Variants in AFF1 observed in about 807,000 individuals in gnomAD.
The protein encoded by AFF1 is AF4/FMR2 family member 1.
Under a neutral mutation model 121.7 loss-of-function variants are expected in AFF1, and 48 were observed. The observed-to-expected ratio is 0.39, with a 90% CI of 0.31 to 0.50. The LOEUF is 0.50. Among genes scored for constraint, AFF1 ranks in the 20% least tolerant of loss-of-function variants. The pLI is 0.76. For missense variants in AFF1, 1,523 were observed against 1,511.7 expected (o/e 1.01, Z -0.12); for synonymous variants, 613 against 563.0 (o/e 1.09, Z -1.26).
chr4:86,949,701 G>A, intron 2 of AFF1: 1 of 1,579,320 alleles, frequency 6.3e-7, no homozygotes. Context: ...ATGCGCAGGG[G>A]CGGGTAGTCC....
At chr4:87,061,622 C>T (rs1270488921) in intron 4 of AFF1, among the ~76,000 whole-genome samples, 2 of 152,202 alleles carry the variant, frequency 1.3e-5, no homozygotes, top group East Asian at 1.9e-4. Context: ...TACAGTCTTA[C>T]AGCGCAATCC....
chr4:87,041,667 A>G (rs1279403515), intron 2 of AFF1, among the ~76,000 whole-genome samples: 4 of 128,772 alleles, frequency 3.1e-5, no homozygotes, highest in East Asian at 2.6e-4. Flanking sequence ...ACAGGACTGG[A>G]AAAAAAAAAA....
At chr4:86,948,057 G>GTT (rs11446805) in intron 1 of AFF1, among the ~76,000 whole-genome samples, 177 of 150,506 alleles carry the variant, frequency 1.2e-3, no homozygotes, top group African/African-American at 3.2e-3. Flanking sequence ...TTTCTTGGTT[G>GTT]TTTTTTTTTG....
At chr4:87,072,160 T>G (rs143944735) in intron 4 of AFF1, among the ~76,000 whole-genome samples, 9,377 of 152,136 alleles carry the variant, frequency 0.062, 976 homozygotes, top group African/African-American at 0.21. Flanking sequence ...TCAGGAGATC[T>G]AGACCATCCT....
intron 2 of AFF1, among the ~76,000 whole-genome samples, chr4:86,971,864 G>T (rs1342087143): frequency 6.6e-6 from 1 of 152,112 alleles, no homozygotes; most frequent in African/African-American, 2.4e-5. Context: ...GCGCTGGGTA[G>T]GTTGGCTTAT....
At chr4:87,092,418 TACA>T (rs1454155165) in intron 7 of AFF1, among the ~76,000 whole-genome samples, 1 of 152,218 alleles carries the variant, frequency 6.6e-6, no homozygotes, top group Non-Finnish European at 1.5e-5. Context: ...AGGAATTGTA[TACA>T]ACAGTAGATT....
Position 87,140,844 on chromosome 4 carries a change from TTA to T in AFF1, c.*5146_*5147del, listed in dbSNP as rs1321463861. On this transcript the variant is annotated 3_prime_UTR_variant, in exon 21 of 21. Coordinates refer to ENST00000395146, the MANE Select transcript of AFF1 (RefSeq NM_001166693.3). ...AAAGAATATGTGATCTGTGAGAGAA[TTA>T]TAGTTTTTTTTTAGAAGAAAAATCT... The T allele has an allele frequency of 5.4e-6, 1 of 186,662 alleles. No homozygotes were observed. Among genetic ancestry groups the T allele is most frequent in the Non-Finnish European group, 1.1e-5 (1 of 88,018 alleles). The allele number at this position is 186,662 out of a possible 1,614,324, so 11.6% of individuals were successfully genotyped here. A position where few individuals can be genotyped will look rare whatever the true frequency, so the allele number is the denominator to read the frequency against.
intron 2 of AFF1, among the ~76,000 whole-genome samples, chr4:87,015,454 T>C (rs1031435930): frequency 6.6e-6 from 1 of 152,234 alleles, no homozygotes; most frequent in Admixed American, 6.5e-5. Flanking sequence ...TTATTAATGT[T>C]GTTCAGATTG....
chr4:87,135,606 G>T lies in AFF1; in HGVS notation c.3562G>T (p.Val1188Leu). 6.2e-7 allele frequency: 1 copy of T among 1,608,388 alleles called. No individual in the cohort carries two copies. Among genetic ancestry groups the T allele is most frequent in the South Asian group, 1.1e-5 (1 of 89,738 alleles). The change falls in exon 21 of 21, where the codon GTG (valine) becomes TTG (leucine). Residue 1188 changes from valine (V) to leucine (L), a missense_variant. By Grantham distance (32) the Val-to-Leu change is conservative. Transcript: ENST00000395146. ...ATTCTTTGCTCGGCTCAGCACAAAT[G>T]TGTGCACCTTGGCCCTCAACAGCAG... ...KEFFARLSTN[V>L]CTLALNSSLV...
At chr4:87,045,365 A>C (rs551272517) in intron 2 of AFF1, among the ~76,000 whole-genome samples, 2 of 151,720 alleles carry the variant, frequency 1.3e-5, no homozygotes, top group East Asian at 3.9e-4. Context: ...TGGTGCTGAC[A>C]ATGAGGCAGG....
rs1728557905 is a variant in AFF1, at chr4:87,128,957, A to G, written c.2964+1254A>G. 3.3e-5 allele frequency among the ~76,000 whole-genome samples: 5 copies of G among 152,222 alleles called. No individual in the cohort carries two copies. The South Asian group carries it at 8.3e-4, about 25-fold the overall frequency. The stretch of plus-strand genomic sequence containing the variant: ...ATTTCGCACTGTCAGCCAGTTATCT[A>G]AAACTTATCTTGACATTGGATACTT... On this transcript the variant is annotated intron_variant, in intron 16 of 20. Transcript: ENST00000395146.
intron 4 of AFF1, among the ~76,000 whole-genome samples, chr4:87,076,019 G>A (rs1282487120): frequency 6.6e-6 from 1 of 152,106 alleles, no homozygotes; most frequent in Non-Finnish European, 1.5e-5. Context: ...CCTGCTTGTG[G>A]GAAGCCTGTC....
At chr4:87,087,905 T>TATA (rs1723896545) in intron 5 of AFF1, among the ~76,000 whole-genome samples, 1 of 152,246 alleles carries the variant, frequency 6.6e-6, no homozygotes, top group Non-Finnish European at 1.5e-5. Flanking sequence ...GTTCTGTGCC[T>TATA]TAAAGTATTA....
chr4:86,995,396 C>G (rs1725065004), intron 2 of AFF1, among the ~76,000 whole-genome samples: 1 of 150,054 alleles, frequency 6.7e-6, no homozygotes, highest in Non-Finnish European at 1.5e-5. Context: ...CATCTCGGCT[C>G]ACTGCAACCT....
Position 87,111,012 on chromosome 4 carries a change from ATTT to A in AFF1, c.1533+2708_1533+2710del, listed in dbSNP as rs1281817683. On this transcript the variant is annotated intron_variant, in intron 11 of 20. Transcript: ENST00000395146. Reference sequence around the variant, plus strand: ...ACTTAAACTTTATTTTTTTTTTTTTATTTTTTTTTTTTTGAGACGGAGTCTCGC... The same window carrying A: ...ACTTAAACTTTATTTTTTTTTTTTTATTTTTTTTTTGAGACGGAGTCTCGC... 6.8e-5 allele frequency among the ~76,000 whole-genome samples: 2 copies of A among 29,278 alleles called. 1 individual carries two copies. The highest frequency in any genetic ancestry group is 1.8e-4 in the African/African-American group (2 of 11,232). The allele number at this position is 29,278 out of a possible 152,430, so 19.2% of individuals were successfully genotyped here. A position where few individuals can be genotyped will look rare whatever the true frequency, so the allele number is the denominator to read the frequency against.
intron 1 of AFF1, chr4:86,935,827 G>A (rs1400958166): frequency 6.6e-6 from 1 of 152,216 alleles, no homozygotes; most frequent in Non-Finnish European, 1.5e-5. Flanking sequence ...CAGAGGGAGA[G>A]GCGTCTTTAG....
intron 1 of AFF1, among the ~76,000 whole-genome samples, chr4:86,947,342 G>A (rs1012184374): frequency 2.6e-5 from 4 of 152,234 alleles, no homozygotes; most frequent in Middle Eastern, 3.4e-3. Flanking sequence ...CATGTAGTTA[G>A]CAAGTCAGCA....
At chr4:87,127,917 G>T (rs1284881810) in intron 16 of AFF1, among the ~76,000 whole-genome samples, 1 of 152,150 alleles carries the variant, frequency 6.6e-6, no homozygotes, top group African/African-American at 2.4e-5. Context: ...TAAGGGGTAG[G>T]TGGTTCTTAG....
intron 12 of AFF1, among the ~76,000 whole-genome samples, chr4:87,123,942 G>A (rs953078081): frequency 6.6e-6 from 1 of 152,124 alleles, no homozygotes; most frequent in Non-Finnish European, 1.5e-5. Context: ...AGGAAGTTTC[G>A]TTCTAAATGC....
Sources: gnomAD v4.1 joint callset for allele counts (sites outside exome capture counted in the v4.1 genomes callset) on GRCh38, gnomAD v4.1.1 for gene constraint, MANE v1.5 for transcripts, NCBI Gene and HGNC (gene_info 2026-07-23, HGNC 2026-07-21) for gene names.